Variants in LEPR observed in about 807,000 individuals in gnomAD.
The protein encoded by LEPR is leptin receptor, also known as OB receptor.
A neutral mutation model predicts 114.7 loss-of-function variants in LEPR; 56 were observed. The observed-to-expected ratio is 0.49, with a 90% confidence interval of 0.39 to 0.61. The LOEUF is 0.61. Ranked by LOEUF, LEPR falls within the 20% of genes least tolerant of loss-of-function variation. The pLI is 0.00. For missense variants in LEPR, 1,202 were observed against 1,352.9 expected (o/e 0.89, Z 1.75); for synonymous variants, 443 against 461.4 (o/e 0.96, Z 0.51).
chr1:65,598,862 T>A, intron 8 of LEPR, 58 bp downstream of exon 8: 2 of 1,609,702 alleles, frequency 1.2e-6, no homozygotes, highest in Non-Finnish European at 1.7e-6. Flanking sequence ...GAACTTGCCT[T>A]TGTATAGTAT....
chr1:65,513,924 A>C (rs1413260643), intron 2 of LEPR, among the ~76,000 whole-genome samples: 4 of 152,198 alleles, frequency 2.6e-5, no homozygotes, highest in African/African-American at 7.2e-5. Flanking sequence ...AATTTGGATA[A>C]TTTTGTAGTT....
chr1:65,434,709 C>T, intron 2 of LEPR: 2 of 985,428 alleles, frequency 2.0e-6, no homozygotes, highest in Non-Finnish European at 2.4e-6. Flanking sequence ...CTCATTTTCA[C>T]CTCCTAATGC....
intron 2 of LEPR, chr1:65,430,146 A>G: frequency 9.2e-7 from 1 of 1,081,232 alleles, no homozygotes; most frequent in Middle Eastern, 2.2e-4. Flanking sequence ...CTTAGGCTTT[A>G]TACTCAAGGC....
At chr1:65,564,546 GC>G (rs1257340033) in intron 2 of LEPR, among the ~76,000 whole-genome samples, 1 of 91,828 alleles carries the variant, frequency 1.1e-5, no homozygotes, top group African/African-American at 4.5e-5. Context: ...GTAGACCGGA[GC>G]TGTTCCTATT....
At chr1:65,619,455 C>A (rs947734391) in intron 16 of LEPR, among the ~76,000 whole-genome samples, 1 of 152,068 alleles carries the variant, frequency 6.6e-6, no homozygotes, top group Non-Finnish European at 1.5e-5. Context: ...GTCTCCACCA[C>A]CATTTTGTTT....
In LEPR at chr1:65,608,901, G is replaced by A. The variant is rs771522003; in HGVS notation, c.1752G>A (p.Lys584=). The part of the protein sequence containing the change: ...YGLSGKEVQW[K]MYEVYDAKSK... ...TAAGTGGAAAAGAAGTACAATGGAA[G>A]GTACCTTTTACTTAGAACTTCAGCT... Residue 584 remains lysine, a splice_region_variant and synonymous_variant, in exon 12 of 20, where the codon AAG becomes AAA. Transcript: ENST00000349533. 6.2e-7 allele frequency: 1 copy of A among 1,613,414 alleles called. No homozygotes were observed. Among genetic ancestry groups the A allele is most frequent in the Non-Finnish European group, 8.5e-7 (1 of 1,179,702 alleles).
At chr1:65,460,858 C>T (rs1339534193) in intron 2 of LEPR, among the ~76,000 whole-genome samples, 1 of 151,594 alleles carries the variant, frequency 6.6e-6, no homozygotes, top group Non-Finnish European at 1.5e-5. Context: ...AAAACAAAAA[C>T]AGAAACAAAA....
At chr1:65,540,676 T>G (rs2100659836) in intron 2 of LEPR, among the ~76,000 whole-genome samples, 1 of 152,326 alleles carries the variant, frequency 6.6e-6, no homozygotes, top group South Asian at 2.1e-4. Flanking sequence ...ATATTCCTTT[T>G]TAACAATGCA....
chr1:65,507,670 G>A (rs11208657), intron 2 of LEPR, among the ~76,000 whole-genome samples: 101,191 of 151,308 alleles, frequency 0.67, 34,840 homozygotes, highest in Middle Eastern at 0.86. Context: ...ACATCTCTTT[G>A]ACATATGATT....
chr1:65,534,482 T>C (rs1650618586), intron 2 of LEPR, among the ~76,000 whole-genome samples: 1 of 152,234 alleles, frequency 6.6e-6, no homozygotes, highest in Non-Finnish European at 1.5e-5. Context: ...CTAAGCATTA[T>C]TCTAGATACT....
intron 2 of LEPR, among the ~76,000 whole-genome samples, chr1:65,499,206 T>C (rs1648315874): frequency 1.3e-5 from 2 of 152,122 alleles, no homozygotes; most frequent in African/African-American, 4.8e-5. Flanking sequence ...AGTGAGACAC[T>C]GTATTTTAGG....
intron 2 of LEPR, among the ~76,000 whole-genome samples, chr1:65,445,564 C>T (rs567205103): frequency 6.6e-6 from 1 of 151,956 alleles, no homozygotes; most frequent in South Asian, 2.1e-4. Flanking sequence ...TGGATCTGTG[C>T]GAAACTCACT....
chr1:65,546,741 A>T (rs1469076774), intron 2 of LEPR, among the ~76,000 whole-genome samples: 3 of 152,338 alleles, frequency 2.0e-5, no homozygotes, highest in East Asian at 3.9e-4. Context: ...ATATACAATC[A>T]TGTCATCTGC....
intron 2 of LEPR, among the ~76,000 whole-genome samples, chr1:65,540,981 G>A (rs1318212205): frequency 6.6e-6 from 1 of 151,964 alleles, no homozygotes; most frequent in Non-Finnish European, 1.5e-5. Flanking sequence ...ACAGGCATAC[G>A]CCACCATGCA....
chr1:65,531,620 G>C lies in LEPR; in HGVS notation c.-20-33926G>C, dbSNP rs142094687. Among the ~76,000 whole-genome samples the C allele has an allele frequency of 4.3e-3, 650 of 152,120 alleles. 6 individuals carry two copies. The highest frequency in any genetic ancestry group is 0.015 in the African/African-American group (617 of 41,478). On this transcript the variant is annotated intron_variant, in intron 2 of 19. Transcript: ENST00000349533. Reference sequence around the variant, plus strand: ...TTGTGTCCCTAGTGTGTGAAATAGGGCCTAACATGTAAGAGGTGCTCAATG... The same window carrying C: ...TTGTGTCCCTAGTGTGTGAAATAGGCCCTAACATGTAAGAGGTGCTCAATG...
At chr1:65,581,901 A>G (rs1315136059) in intron 5 of LEPR, among the ~76,000 whole-genome samples, 1 of 152,234 alleles carries the variant, frequency 6.6e-6, no homozygotes, top group African/African-American at 2.4e-5. Context: ...CTACTACACA[A>G]GAAGGACCAC....
chr1:65,569,307 G>A (rs957169932), intron 3 of LEPR, among the ~76,000 whole-genome samples: 20 of 152,090 alleles, frequency 1.3e-4, no homozygotes, highest in Admixed American at 7.2e-4. Context: ...CTCAGAATTC[G>A]TATTCTGCAT....
chr1:65,488,728 C>T (rs1044104630), intron 2 of LEPR, among the ~76,000 whole-genome samples: 1 of 151,850 alleles, frequency 6.6e-6, no homozygotes, highest in African/African-American at 2.4e-5. Flanking sequence ...TTTATTTTTG[C>T]ACCTATTACT....
At chr1:65,512,842 A>G (rs957150953) in intron 2 of LEPR, among the ~76,000 whole-genome samples, 5 of 152,186 alleles carry the variant, frequency 3.3e-5, no homozygotes, top group African/African-American at 1.2e-4. Flanking sequence ...GAAGAAATTA[A>G]GTTCAGTTGC....
Sources: gnomAD v4.1 joint callset for allele counts (sites outside exome capture counted in the v4.1 genomes callset) on GRCh38, gnomAD v4.1.1 for gene constraint, MANE v1.5 for transcripts, NCBI Gene and HGNC (gene_info 2026-07-23, HGNC 2026-07-21) for gene names.